SLA: variants seen among roughly 807,000 people sequenced by gnomAD.
SLA encodes the protein Src like adaptor, also known as src-like-adapter.
In SLA, 16 loss-of-function variants were observed where a neutral mutation model predicts 30.3. The ratio of observed to expected loss-of-function variants is 0.53; its 90% confidence interval spans 0.36 to 0.80. The LOEUF is 0.80. SLA is among the 30% of genes least tolerant of loss of function. SLA has a pLI of 0.01. For synonymous variants in SLA, 143 were observed against 137.8 expected, an observed-to-expected ratio of 1.04 and a Z score of -0.26; for missense variants, 310 against 345.2, an observed-to-expected ratio of 0.90 and a Z score of 0.81.
At chr8:133,059,177 C>G in intron 3 of SLA, 1 of 455,896 alleles carries the variant, frequency 2.2e-6, no homozygotes, top group Non-Finnish European at 4.4e-6. Flanking sequence ...CTGCTGGGAA[C>G]CATGTGTGGT....
intron 2 of SLA, among the ~76,000 whole-genome samples, chr8:133,068,936 AGGCCAG>A (rs953357106): frequency 1.3e-5 from 2 of 152,276 alleles, no homozygotes; most frequent in African/African-American, 4.8e-5. Flanking sequence ...GGTTTGGCCT[AGGCCAG>A]GTCCTGGATA....
intron 1 of SLA, among the ~76,000 whole-genome samples, chr8:133,093,542 T>C (rs764166811): frequency 2.0e-5 from 3 of 152,176 alleles, no homozygotes. Context: ...AGGCATGTTC[T>C]GAGAAGCCCA....
intron 5 of SLA, 115 bp downstream of exon 5, chr8:133,049,787 T>C: frequency 1.3e-6 from 1 of 774,372 alleles, no homozygotes; most frequent in Non-Finnish European, 2.3e-6. Context: ...CAGGACTATC[T>C]CTTCTTGACC....
chr8:133,069,196 T>C (rs1231049565), intron 2 of SLA, among the ~76,000 whole-genome samples: 1 of 152,276 alleles, frequency 6.6e-6, no homozygotes, highest in Non-Finnish European at 1.5e-5. Context: ...ACAGGGACTA[T>C]AAAGTCCGTG....
At chr8:133,074,792 C>T in intron 2 of SLA, 61 bp downstream of exon 2, 1 of 921,536 alleles carries the variant, frequency 1.1e-6, no homozygotes, top group Non-Finnish European at 1.3e-6. Context: ...CTGCCAACTG[C>T]GTGTTGAAGA....
In SLA at chr8:133,037,173, C is replaced by G. The variant is rs1242504763; in HGVS notation, c.*1351G>C. On this transcript the variant is annotated 3_prime_UTR_variant, in exon 9 of 9. Transcript: ENST00000338087. ...CATGTTCCCCTCCTTCCCCAGGATC[C>G]CTTTGAAACAGGGAAACATGAGTCA... The G allele has an allele frequency of 6.6e-6, 1 of 152,188 alleles. No individual in the cohort carries two copies. The highest frequency in any genetic ancestry group is 2.4e-5 in the African/African-American group (1 of 41,446). The allele number at this position is 152,188 out of a possible 1,614,324, so 9.4% of individuals were successfully genotyped here.
intron 4 of SLA, 199 bp from the exon 5 acceptor site, chr8:133,050,187 A>G (rs1386015593): frequency 1.7e-6 from 1 of 576,224 alleles, no homozygotes; most frequent in Non-Finnish European, 3.1e-6. Context: ...ATAGCCCTCC[A>G]TTGCAAGCCA....
chr8:133,050,042 A>G, intron 4 of SLA, 54 bp from the exon 5 acceptor site: 1 of 1,123,808 alleles, frequency 8.9e-7, no homozygotes, highest in Non-Finnish European at 1.4e-6. Flanking sequence ...GCAAAACCAA[A>G]GGATGAATGA....
intron 1 of SLA, among the ~76,000 whole-genome samples, chr8:133,081,666 C>T (rs997295340): frequency 3.9e-5 from 6 of 152,200 alleles, no homozygotes; most frequent in African/African-American, 9.7e-5. Flanking sequence ...TTCGTTCAAG[C>T]TGTTCTCTTC....
In SLA at chr8:133,038,616, A is replaced by G; in HGVS notation, c.739T>C (p.Phe247Leu). 6.2e-7 allele frequency: 1 copy of G among 1,614,072 alleles called. No individual in the cohort carries two copies. The highest frequency in any genetic ancestry group is 2.2e-5 in the East Asian group (1 of 44,858). The change falls in exon 9 of 9, where the codon TTT becomes CTT. Residue 247 changes from phenylalanine (F) to leucine (L), a missense_variant. Physicochemically the swap from Phe to Leu is conservative, Grantham distance 22. Transcript: ENST00000338087. ...GAGATGCTTTTCTTCTTTCGATCAAAGGAGGTGTTGTCCTCACTGGTCAGG... is the reference window on the plus strand; with the variant it reads ...GAGATGCTTTTCTTCTTTCGATCAAGGGAGGTGTTGTCCTCACTGGTCAGG... ...LSLTSEDNTSFDRKKKSISLM... is the reference protein window; with the variant it reads ...LSLTSEDNTSLDRKKKSISLM...
intron 3 of SLA, among the ~76,000 whole-genome samples, chr8:133,057,810 C>T (rs1587925013): frequency 6.6e-6 from 1 of 151,704 alleles, no homozygotes; most frequent in Non-Finnish European, 1.5e-5. Context: ...TGGGTAAAGC[C>T]ATGTTCCAAG....
In SLA at chr8:133,038,698, C is replaced by T. The variant is rs78830048; in HGVS notation, c.657G>A (p.Gly219=). ...EDPEGTENPL[G]VDESLFSYGL... ...CATAGCTGAAAAGGGACTCGTCTAC[C>T]CCAAGCGGGTTCTCTGTTCCCTCGG... The change falls in exon 9 of 9, where the codon GGG becomes GGA. Residue 219 remains glycine (G), a synonymous_variant. Coordinates refer to ENST00000338087, the MANE Select transcript of SLA (RefSeq NM_001045556.3). 3.6e-4 allele frequency: 589 copies of T among 1,614,088 alleles called. 9 individuals are homozygous for T. In the East Asian group the frequency reaches 0.012, roughly 34 times the overall value.
chr8:133,091,087 G>T (rs1468237054), intron 1 of SLA, among the ~76,000 whole-genome samples: 2 of 152,214 alleles, frequency 1.3e-5, no homozygotes, highest in Admixed American at 1.3e-4. Context: ...TGCTCTGAGA[G>T]GTAGGTGAGC....
At chr8:133,047,698 G>A (rs773138118) in intron 6 of SLA, 132 bp downstream of exon 6, 15 of 699,210 alleles carry the variant, frequency 2.1e-5, no homozygotes, top group Non-Finnish European at 3.7e-5. Context: ...GTGGGCTGCA[G>A]GGAGCTTAAC....
intron 1 of SLA, chr8:133,089,945 C>T (rs1272411626): frequency 6.6e-6 from 1 of 152,164 alleles, no homozygotes; most frequent in African/African-American, 2.4e-5. Context: ...AAATCCCTCC[C>T]TCCCCTGAAT....
intron 3 of SLA, chr8:133,059,225 C>G (rs1434310267): frequency 2.3e-6 from 1 of 443,432 alleles, no homozygotes; most frequent in Non-Finnish European, 4.6e-6. Context: ...GCCCCAAATG[C>G]TACCATGTAA....
Position 133,050,885 on chromosome 8 carries a change from C to T in SLA, c.92G>A (p.Ser31Asn). 1.9e-6 allele frequency: 3 copies of T among 1,613,766 alleles called. No homozygotes were observed. Among genetic ancestry groups the T allele is most frequent in the South Asian group, 2.2e-5 (2 of 91,058 alleles). Reference sequence around the variant, plus strand: ...GCTGATGTCAGGAGACGGGTAGTCACTTAGCACGGCAAGGAAGTCGCTATC... The same window carrying T: ...GCTGATGTCAGGAGACGGGTAGTCATTTAGCACGGCAAGGAAGTCGCTATC... ...GLDSDFLAVLSDYPSPDISPP... is the reference protein window; with the variant it reads ...GLDSDFLAVLNDYPSPDISPP... Residue 31 changes from serine (S) to asparagine (N), a missense_variant, in exon 4 of 9, where the codon AGT becomes AAT. Transcript: ENST00000338087.
At chr8:133,087,437 G>A (rs1025684009) in intron 1 of SLA, among the ~76,000 whole-genome samples, 13 of 152,036 alleles carry the variant, frequency 8.6e-5, no homozygotes, top group African/African-American at 1.9e-4. Flanking sequence ...TTCCTCCCTC[G>A]GGGTGTGAGG....
intron 1 of SLA, among the ~76,000 whole-genome samples, chr8:133,075,522 G>A (rs1266155937): frequency 3.3e-5 from 5 of 152,234 alleles, no homozygotes; most frequent in Non-Finnish European, 7.3e-5. Context: ...TGATAATACT[G>A]TTCCAGTCTT....
Sources: allele counts gnomAD v4.1 joint callset (sites outside exome capture counted in the v4.1 genomes callset), GRCh38; gene constraint gnomAD v4.1.1; transcripts MANE v1.5; gene names NCBI Gene and HGNC (gene_info 2026-07-23, HGNC 2026-07-21).